The following MTUS1 variants were observed in gnomAD, a reference collection of about 807,000 sequenced individuals.
MTUS1 encodes the protein microtubule associated scaffold protein 1, also known as microtubule-associated tumor suppressor 1.
Under a neutral mutation model 120.8 loss-of-function variants are expected in MTUS1, and 109 were observed. The ratio of observed to expected loss-of-function variants is 0.90; its 90% CI spans 0.77 to 1.06. MTUS1 has a LOEUF of 1.06. MTUS1 is among the 50% of genes least tolerant of loss of function. MTUS1 has a pLI of 0.00. For synonymous variants in MTUS1, 737 were observed against 550.5 expected (o/e 1.34, Z -4.74); for missense variants, 2,210 against 1,486.3 (o/e 1.49, Z -8.01).
rs750025949 is a variant in MTUS1, at chr8:17,684,353, A to G, written c.2813T>C (p.Val938Ala). 2 of 1,614,108 alleles carry G rather than the reference A, an allele frequency of 1.2e-6. No homozygotes were observed. The highest frequency in any genetic ancestry group is 1.3e-5 in the African/African-American group (1 of 75,022). ...CGNTKFEALT[V>A]VIQHLLSERE... ...CTCAGACAGCAGGTGCTGAATCACA[A>G]CTGTCAATGCCTCAAACTTGGTATT... is the stretch of plus-strand genomic sequence containing the variant. Residue 938 changes from valine to alanine, a missense_variant, in exon 7 of 15, where the codon GTT becomes GCT. Val to Ala is a moderately conservative substitution (Grantham distance 64). Coordinates refer to ENST00000693296, the MANE Select transcript of MTUS1 (RefSeq NM_001363059.2).
chr8:17,671,610 G>A (rs949271301), intron 8 of MTUS1, among the ~76,000 whole-genome samples: 1 of 152,234 alleles, frequency 6.6e-6, no homozygotes, highest in Non-Finnish European at 1.5e-5. Context: ...GAAAGTCAGT[G>A]GATGCTGGGA....
intron 1 of MTUS1, among the ~76,000 whole-genome samples, chr8:17,783,427 C>T (rs1038192538): frequency 3.3e-5 from 5 of 152,122 alleles, no homozygotes; most frequent in African/African-American, 2.4e-5. Context: ...CAGGACTGGC[C>T]GCTATTTGCC....
In MTUS1 at chr8:17,684,038, G is replaced by A. The variant is rs148889250; in HGVS notation, c.2838+290C>T. Among the ~76,000 whole-genome samples the A allele has an allele frequency of 3.3e-5, 5 of 152,280 alleles. No homozygotes were observed. The East Asian group carries it at 9.6e-4, about 29-fold the overall frequency. ...TTAAGTGAAAAAAATGCTAATGCTA[G>A]TTTAGGTCTAGAGGCATACACCGGC... On this transcript the variant is annotated intron_variant, in intron 7 of 14. Coordinates refer to ENST00000693296, the MANE Select transcript of MTUS1 (RefSeq NM_001363059.2).
At chr8:17,682,893 C>G (rs968253016) in intron 7 of MTUS1, among the ~76,000 whole-genome samples, 1 of 150,194 alleles carries the variant, frequency 6.7e-6, no homozygotes, top group African/African-American at 2.5e-5. Context: ...TACTAAAACC[C>G]TAAGTAGTCT....
chr8:17,728,779 G>C (rs2046375703), intron 3 of MTUS1, among the ~76,000 whole-genome samples: 1 of 152,004 alleles, frequency 6.6e-6, no homozygotes, highest in Admixed American at 6.6e-5. Flanking sequence ...GGAAGATGTG[G>C]GTTGGGGGGG....
intron 3 of MTUS1, among the ~76,000 whole-genome samples, chr8:17,739,040 C>A (rs554500014): frequency 6.6e-6 from 1 of 151,860 alleles, no homozygotes; most frequent in East Asian, 1.9e-4. Context: ...GTACATGGGA[C>A]GCTGAGACAG....
chr8:17,776,282 C>T (rs2050427264), intron 1 of MTUS1, among the ~76,000 whole-genome samples: 1 of 150,990 alleles, frequency 6.6e-6, no homozygotes, highest in Admixed American at 6.6e-5. Flanking sequence ...GCAAAGACTA[C>T]AATATTTTAT....
intron 2 of MTUS1, among the ~76,000 whole-genome samples, chr8:17,749,527 G>A (rs895100343): frequency 1.3e-5 from 2 of 151,790 alleles, no homozygotes; most frequent in Non-Finnish European, 2.9e-5. Context: ...TGGGTGTGGT[G>A]GTCCTCACCT....
At chr8:17,784,295 G>GTT (rs34896566) in intron 1 of MTUS1, among the ~76,000 whole-genome samples, 6,096 of 125,322 alleles carry the variant, frequency 0.049, 395 homozygotes, top group African/African-American at 0.11. Flanking sequence ...TCTTACAACT[G>GTT]TTTTTTTTTT....
At chr8:17,758,959 G>A (rs1043941329) in intron 1 of MTUS1, among the ~76,000 whole-genome samples, 1 of 152,336 alleles carries the variant, frequency 6.6e-6, no homozygotes, top group South Asian at 2.1e-4. Context: ...TCGGCTCACT[G>A]CAACGTCCGC....
chr8:17,669,297 G>A (rs1003095922), intron 8 of MTUS1, among the ~76,000 whole-genome samples: 8 of 152,296 alleles, frequency 5.3e-5, no homozygotes, highest in Non-Finnish European at 2.9e-5. Flanking sequence ...TGAGGGGTCC[G>A]CGACGGGAGG....
At chr8:17,780,263 T>C (rs1273604936) in intron 1 of MTUS1, among the ~76,000 whole-genome samples, 1 of 152,198 alleles carries the variant, frequency 6.6e-6, no homozygotes. Flanking sequence ...GACAGATTCC[T>C]GCTGCCTTCT....
chr8:17,793,876 G>A (rs1267188373), intron 1 of MTUS1, among the ~76,000 whole-genome samples: 1 of 152,074 alleles, frequency 6.6e-6, no homozygotes, highest in Non-Finnish European at 1.5e-5. Flanking sequence ...AGAATATTTC[G>A]AACAACACAA....
chr8:17,756,914 C>T (rs1479059840), intron 1 of MTUS1, among the ~76,000 whole-genome samples: 3 of 152,168 alleles, frequency 2.0e-5, no homozygotes, highest in East Asian at 1.9e-4. Context: ...TAATCTTCAA[C>T]TTTCCAGCCT....
intron 1 of MTUS1, among the ~76,000 whole-genome samples, chr8:17,779,567 T>C (rs1226964543): frequency 6.6e-6 from 1 of 152,210 alleles, no homozygotes; most frequent in Non-Finnish European, 1.5e-5. Context: ...TAAATGATAA[T>C]GACACTCACT....
At chr8:17,782,129 G>A (rs762318816) in intron 1 of MTUS1, among the ~76,000 whole-genome samples, 4 of 152,164 alleles carry the variant, frequency 2.6e-5, no homozygotes, top group African/African-American at 4.8e-5. Flanking sequence ...ATTTTAGCCA[G>A]GAAATTTCAA....
chr8:17,752,782 G>C (rs766356163), intron 2 of MTUS1, among the ~76,000 whole-genome samples: 3 of 152,088 alleles, frequency 2.0e-5, no homozygotes, highest in Non-Finnish European at 4.4e-5. Flanking sequence ...CTCCCTTCCT[G>C]GCCCAGAGGA....
At chr8:17,704,712 TTTG>T (rs1430570464) in intron 6 of MTUS1, among the ~76,000 whole-genome samples, 51 of 152,340 alleles carry the variant, frequency 3.3e-4, no homozygotes, top group African/African-American at 1.2e-3. Flanking sequence ...TGCCTCCAGC[TTTG>T]TTCTTTGTCA....
rs577316278 is a variant in MTUS1 at position 17,792,725 on chromosome 8, G to A, written c.-155+8336C>T. 1.8e-3 allele frequency among the ~76,000 whole-genome samples: 281 copies of A among 152,268 alleles called. 1 individual carries two copies. Among genetic ancestry groups the A allele is most frequent in the South Asian group, 4.2e-3 (20 of 4,814 alleles). ...CCAAAAATACAAAAATTATCCAGGCGCGGTGGCGCATACCTGTAGTGCCAG... is the reference window on the plus strand; with the variant it reads ...CCAAAAATACAAAAATTATCCAGGCACGGTGGCGCATACCTGTAGTGCCAG... On this transcript the variant is annotated intron_variant, in intron 1 of 14. Transcript: ENST00000693296.
Sources: allele counts gnomAD v4.1 joint callset (sites outside exome capture counted in the v4.1 genomes callset), GRCh38; gene constraint gnomAD v4.1.1; transcripts MANE v1.5; gene names NCBI Gene and HGNC (gene_info 2026-07-23, HGNC 2026-07-21).